The following ADAMTSL3 variants were observed in gnomAD, a reference collection of about 807,000 sequenced individuals.
The protein encoded by ADAMTSL3 is ADAMTS like 3, also known as ADAMTS-like protein 3.
A neutral mutation model predicts 201.7 loss-of-function variants in ADAMTSL3; 128 were observed. The observed-to-expected ratio is 0.63, with a 90% confidence interval of 0.55 to 0.73. The LOEUF (loss-of-function observed/expected upper bound fraction) is 0.73. ADAMTSL3 is among the 30% of genes least tolerant of loss of function. The pLI, the probability that ADAMTSL3 is intolerant of heterozygous loss-of-function variation, is 0.00. For missense variants in ADAMTSL3, 1,990 were observed against 2,119.6 expected (o/e 0.94, Z 1.20); for synonymous variants, 738 against 748.4 (o/e 0.99, Z 0.23).
At chr15:84,006,499 A>G (rs572299491) in intron 23 of ADAMTSL3, among the ~76,000 whole-genome samples, 1 of 152,320 alleles carries the variant, frequency 6.6e-6, no homozygotes, top group South Asian at 2.1e-4. Context: ...TTAAACACTG[A>G]CTAGTTTAAA....
intron 19 of ADAMTSL3, among the ~76,000 whole-genome samples, chr15:83,958,083 C>T (rs958776861): frequency 2.0e-5 from 3 of 152,148 alleles, no homozygotes; most frequent in Non-Finnish European, 4.4e-5. Context: ...ACAGTGCAGA[C>T]ACTGTTCAGA....
In ADAMTSL3 at chr15:83,900,790, G is replaced by GA. The variant is rs548164743; in HGVS notation, c.1700+1068dup. Among the ~76,000 whole-genome samples the GA allele has an allele frequency of 2.4e-3, 357 of 151,300 alleles. 18 individuals are homozygous for GA. In the South Asian group the frequency reaches 0.072, roughly 30 times the overall value. On this transcript the variant is annotated intron_variant, in intron 15 of 29. Transcript: ENST00000286744. ...CTCCTAATTTGTGTTCTCTGAAGCA[G>GA]AAAAAAAAATACATCTATGCCCCAT... is the stretch of plus-strand genomic sequence containing the variant.
intron 7 of ADAMTSL3, among the ~76,000 whole-genome samples, chr15:83,856,808 T>G (rs2064745090): frequency 6.6e-6 from 1 of 152,206 alleles, no homozygotes; most frequent in Non-Finnish European, 1.5e-5. Context: ...CTGCTTTCAA[T>G]TCTTTTGGGT....
intron 3 of ADAMTSL3, among the ~76,000 whole-genome samples, chr15:83,734,175 A>T (rs1386639786): frequency 1.3e-5 from 2 of 152,180 alleles, no homozygotes; most frequent in African/African-American, 4.8e-5. Context: ...TTATGGTAAC[A>T]ATTTATGATG....
intron 7 of ADAMTSL3, among the ~76,000 whole-genome samples, chr15:83,850,779 C>T (rs985466714): frequency 6.6e-6 from 1 of 152,200 alleles, no homozygotes; most frequent in African/African-American, 2.4e-5. Flanking sequence ...GTACTCCTGG[C>T]TCCTGCCTCC....
At chr15:83,967,984 G>A (rs1053047316) in intron 19 of ADAMTSL3, among the ~76,000 whole-genome samples, 8 of 151,864 alleles carry the variant, frequency 5.3e-5, no homozygotes, top group South Asian at 2.1e-4. Flanking sequence ...ATCCATATGC[G>A]GAAAACTGAA....
chr15:83,706,811 G>A (rs553069090), intron 3 of ADAMTSL3, among the ~76,000 whole-genome samples: 1 of 145,324 alleles, frequency 6.9e-6, no homozygotes, highest in East Asian at 2.1e-4. Flanking sequence ...CATTAGGCAT[G>A]TACCACCACC....
intron 5 of ADAMTSL3, among the ~76,000 whole-genome samples, chr15:83,814,110 A>G (rs1175736187): frequency 6.6e-6 from 1 of 152,184 alleles, no homozygotes; most frequent in African/African-American, 2.4e-5. Context: ...TTGACTTTAC[A>G]GAAGGGACAT....
intron 25 of ADAMTSL3, 134 bp downstream of exon 25, chr15:84,016,633 C>T (rs1041592070): frequency 1.4e-6 from 1 of 732,084 alleles, no homozygotes; most frequent in African/African-American, 1.8e-5. Context: ...CAGCCTTTTT[C>T]TTGACCCTCA....
intron 19 of ADAMTSL3, among the ~76,000 whole-genome samples, chr15:83,954,826 A>G (rs2066826396): frequency 6.6e-6 from 1 of 152,150 alleles, no homozygotes; most frequent in African/African-American, 2.4e-5. Flanking sequence ...CCAAACAAAC[A>G]GCATCTCTCT....
intron 4 of ADAMTSL3, among the ~76,000 whole-genome samples, chr15:83,803,098 T>G (rs1321647837): frequency 6.6e-6 from 1 of 152,182 alleles, no homozygotes; most frequent in East Asian, 1.9e-4. Context: ...GAGAAAATGC[T>G]TATCATATTA....
chr15:83,926,562 G>C (rs901420539), intron 17 of ADAMTSL3, among the ~76,000 whole-genome samples: 5 of 151,574 alleles, frequency 3.3e-5, no homozygotes, highest in African/African-American at 1.2e-4. Context: ...GCCTCCATGT[G>C]AATCTGCAAA....
chr15:83,918,390 T>C (rs932925605), intron 16 of ADAMTSL3, among the ~76,000 whole-genome samples: 1 of 152,188 alleles, frequency 6.6e-6, no homozygotes, highest in Non-Finnish European at 1.5e-5. Context: ...TACTCACACA[T>C]ATATAGAATT....
chr15:84,006,569 C>T (rs1339311609), intron 23 of ADAMTSL3, among the ~76,000 whole-genome samples: 1 of 152,098 alleles, frequency 6.6e-6, no homozygotes, highest in Non-Finnish European at 1.5e-5. Context: ...CGGCTCTGAA[C>T]TTTTTTCCAC....
chr15:83,706,540 C>T (rs1482652250), intron 3 of ADAMTSL3, among the ~76,000 whole-genome samples: 2 of 152,134 alleles, frequency 1.3e-5, no homozygotes, highest in East Asian at 1.9e-4. Context: ...AGAAAATAGG[C>T]GCTTGGACTA....
chr15:83,815,346 C>T (rs912456355), intron 5 of ADAMTSL3, among the ~76,000 whole-genome samples: 4 of 152,138 alleles, frequency 2.6e-5, no homozygotes, highest in South Asian at 2.1e-4. Context: ...GTGTTTCATG[C>T]GTATAGAAGC....
intron 19 of ADAMTSL3, among the ~76,000 whole-genome samples, chr15:83,950,662 G>A (rs1282535241): frequency 6.6e-6 from 1 of 151,840 alleles, no homozygotes; most frequent in Non-Finnish European, 1.5e-5. Flanking sequence ...ATTTTTTATA[G>A]TCCTCTTCAA....
intron 4 of ADAMTSL3, among the ~76,000 whole-genome samples, chr15:83,798,480 AGGCCTGT>A (rs1363353610): frequency 6.6e-6 from 1 of 152,196 alleles, no homozygotes; most frequent in Non-Finnish European, 1.5e-5. Flanking sequence ...GCATGGGGTC[AGGCCTGT>A]GGCACACCCA....
chr15:83,798,952 A>AT (rs2063476899), intron 4 of ADAMTSL3, among the ~76,000 whole-genome samples: 1 of 152,086 alleles, frequency 6.6e-6, no homozygotes, highest in Non-Finnish European at 1.5e-5. Context: ...TAATTCACTC[A>AT]TTCCTGCTCC....
Sources: gnomAD v4.1 joint callset for allele counts (sites outside exome capture counted in the v4.1 genomes callset) on GRCh38, gnomAD v4.1.1 for gene constraint, MANE v1.5 for transcripts, NCBI Gene and HGNC (gene_info 2026-07-23, HGNC 2026-07-21) for gene names.